Variants in LRFN2 observed in about 807,000 individuals in gnomAD.
LRFN2 encodes leucine-rich repeat and fibronectin type-III domain-containing protein 2.
A neutral mutation model predicts 37.3 loss-of-function variants in LRFN2; 18 were observed. The observed-to-expected ratio is 0.48, with a 90% CI of 0.33 to 0.72. The LOEUF is 0.72. Ranked by LOEUF, LRFN2 falls within the 30% of genes least tolerant of loss-of-function variation. LRFN2 has a pLI of 0.02. For synonymous variants in LRFN2, 556 were observed against 466.6 expected (o/e 1.19, Z -2.47); for missense variants, 1,006 against 1,060.7 (o/e 0.95, Z 0.72).
chr6:40,550,667 G>A (rs1213066900), intron 1 of LRFN2, among the ~76,000 whole-genome samples: 1 of 151,500 alleles, frequency 6.6e-6, no homozygotes, highest in Non-Finnish European at 1.5e-5. Context: ...AATGGGAGTG[G>A]TATAGTTTTG....
intron 1 of LRFN2, among the ~76,000 whole-genome samples, chr6:40,566,297 T>C (rs895254320): frequency 6.6e-6 from 1 of 152,152 alleles, no homozygotes; most frequent in African/African-American, 2.4e-5. Flanking sequence ...GACTGTAAAC[T>C]AGCTCAACCA....
intron 2 of LRFN2, among the ~76,000 whole-genome samples, chr6:40,415,646 A>T (rs1763078382): frequency 6.6e-6 from 1 of 152,206 alleles, no homozygotes; most frequent in African/African-American, 2.4e-5. Flanking sequence ...TCACAGCTGT[A>T]GCTACTGAAT....
At chr6:40,512,163 C>T (rs115929906) in intron 1 of LRFN2, among the ~76,000 whole-genome samples, 2,714 of 152,238 alleles carry the variant, frequency 0.018, 43 homozygotes, top group Non-Finnish European at 0.025. Flanking sequence ...TGACGTGTCC[C>T]GCGCACTTGA....
At chr6:40,553,563 G>A (rs960407846) in intron 1 of LRFN2, among the ~76,000 whole-genome samples, 34 of 152,128 alleles carry the variant, frequency 2.2e-4, no homozygotes, top group Non-Finnish European at 3.4e-4. Context: ...TGTTCTGGTG[G>A]GGAAGGTCTA....
intron 1 of LRFN2, among the ~76,000 whole-genome samples, chr6:40,493,683 C>T (rs1340245627): frequency 6.6e-6 from 1 of 152,214 alleles, no homozygotes; most frequent in African/African-American, 2.4e-5. Flanking sequence ...GCCCCACTGC[C>T]TTGCAGCCGG....
At chr6:40,540,822 C>T (rs2473581) in intron 1 of LRFN2, among the ~76,000 whole-genome samples, 2,961 of 152,276 alleles carry the variant, frequency 0.019, 116 homozygotes, top group African/African-American at 0.067. Context: ...GGTCTGCAGA[C>T]GCCCAGGGAG....
chr6:40,543,577 C>T (rs1045856594), intron 1 of LRFN2, among the ~76,000 whole-genome samples: 2 of 152,202 alleles, frequency 1.3e-5, no homozygotes, highest in Non-Finnish European at 2.9e-5. Flanking sequence ...GTTTATAAAT[C>T]TCTTAAGCTT....
At chr6:40,425,816 G>A (rs556854748) in intron 2 of LRFN2, among the ~76,000 whole-genome samples, 1 of 152,338 alleles carries the variant, frequency 6.6e-6, no homozygotes, top group South Asian at 2.1e-4. Flanking sequence ...AATAATGATG[G>A]AGCTTATTAG....
intron 2 of LRFN2, among the ~76,000 whole-genome samples, chr6:40,421,428 G>C (rs913822083): frequency 1.3e-5 from 2 of 152,198 alleles, no homozygotes; most frequent in African/African-American, 4.8e-5. Context: ...ATGTACATCA[G>C]TTCAAACTGG....
At chr6:40,442,158 C>CAGGGTCTTCACT (rs1763853196) in intron 1 of LRFN2, among the ~76,000 whole-genome samples, 1 of 152,166 alleles carries the variant, frequency 6.6e-6, no homozygotes, top group Non-Finnish European at 1.5e-5. Context: ...AGTACCCATC[C>CAGGGTCTTCACT]AGGAGCAACT....
At chr6:40,571,906 C>T (rs1572890) in intron 1 of LRFN2, among the ~76,000 whole-genome samples, 66,121 of 152,066 alleles carry the variant, frequency 0.43, 14,739 homozygotes, top group Middle Eastern at 0.57. Context: ...CCCAGCCCCT[C>T]GCCTGCCCTC....
Position 40,392,986 on chromosome 6 carries a change from G to T in LRFN2, c.1401-74C>A. ...ACAGGGTGATGGGGAGTGGACAGAG[G>T]TAGAAACAGAGTGACAGAGATGGGG... On this transcript the variant is annotated intron_variant, in intron 2 of 2. Coordinates refer to ENST00000338305, the MANE Select transcript of LRFN2 (RefSeq NM_020737.3). The surrounding 1 kb of genome is among the most constrained non-coding windows in gnomAD (Gnocchi z 4.7). 1.9e-6 allele frequency: 2 copies of T among 1,067,468 alleles called. No homozygotes were observed. Among genetic ancestry groups the T allele is most frequent in the South Asian group, 1.5e-5 (1 of 67,408 alleles). 66.1% of individuals were successfully genotyped at this position (1,067,468 alleles called of 1,614,324 possible). A position where few individuals can be genotyped will look rare whatever the true frequency, so the allele number is the denominator to read the frequency against.
chr6:40,420,143 G>A (rs1371555197), intron 2 of LRFN2, among the ~76,000 whole-genome samples: 1 of 152,210 alleles, frequency 6.6e-6, no homozygotes, highest in Non-Finnish European at 1.5e-5. Flanking sequence ...CACCCCTGCT[G>A]GAAATAGCTC....
At chr6:40,503,431 C>T (rs1032438198) in intron 1 of LRFN2, among the ~76,000 whole-genome samples, 4 of 152,088 alleles carry the variant, frequency 2.6e-5, no homozygotes, top group Admixed American at 6.5e-5. Flanking sequence ...CTGGTGCAGC[C>T]GATGGAGGGC....
At chr6:40,539,825 G>T (rs1430643317) in intron 1 of LRFN2, among the ~76,000 whole-genome samples, 1 of 152,170 alleles carries the variant, frequency 6.6e-6, no homozygotes, top group Non-Finnish European at 1.5e-5. Context: ...TTTTGATCTT[G>T]GTCCCTGCCC....
intron 1 of LRFN2, among the ~76,000 whole-genome samples, chr6:40,470,656 C>G (rs1401971591): frequency 6.6e-6 from 1 of 152,108 alleles, no homozygotes; most frequent in Non-Finnish European, 1.5e-5. Context: ...AGAGGAATTC[C>G]CCGATGGAAA....
intron 1 of LRFN2, among the ~76,000 whole-genome samples, chr6:40,492,994 AG>A (rs910782466): frequency 4.6e-5 from 7 of 152,078 alleles, no homozygotes; most frequent in African/African-American, 1.7e-4. Flanking sequence ...AGCAGGTTAC[AG>A]GCATGAGGGG....
chr6:40,549,277 A>T (rs1201043686), intron 1 of LRFN2, among the ~76,000 whole-genome samples: 1 of 152,176 alleles, frequency 6.6e-6, no homozygotes, highest in African/African-American at 2.4e-5. Flanking sequence ...TTGCGCCAAG[A>T]TGTCAACTGG....
intron 1 of LRFN2, among the ~76,000 whole-genome samples, chr6:40,435,627 C>T (rs1438591095): frequency 1.3e-5 from 2 of 152,108 alleles, no homozygotes; most frequent in African/African-American, 4.8e-5. Context: ...CAACCTCTGC[C>T]TCCCAGGTTC....
Sources: allele counts gnomAD v4.1 joint callset (sites outside exome capture counted in the v4.1 genomes callset), GRCh38; gene constraint gnomAD v4.1.1; non-coding constraint Gnocchi (gnomAD v3.1); transcripts MANE v1.5; gene names NCBI Gene and HGNC (gene_info 2026-07-23, HGNC 2026-07-21).